TLN2: variants seen among roughly 807,000 people sequenced by gnomAD.
TLN2 encodes talin-2.
Under a neutral mutation model 294.7 loss-of-function variants are expected in TLN2, and 118 were observed. The observed-to-expected ratio is 0.40, with a 90% CI of 0.34 to 0.47. The LOEUF (loss-of-function observed/expected upper bound fraction) is 0.47, where lower values mean the gene tolerates loss of function less well. Among genes scored for constraint, TLN2 ranks in the 20% least tolerant of loss-of-function variants. The pLI is 0.84. For missense variants in TLN2, 3,083 were observed against 3,282.2 expected, an observed-to-expected ratio of 0.94 and a Z score of 1.48; for synonymous variants, 1,431 against 1,304.5, an observed-to-expected ratio of 1.10 and a Z score of -2.09.
rs142563739 is a variant in TLN2 at position 62,458,995 on chromosome 15, A to G, written c.-238+68310A>G. Among the ~76,000 whole-genome samples the G allele has an allele frequency of 2.3e-3, 339 of 149,308 alleles. 2 individuals carry two copies. Among genetic ancestry groups the G allele is most frequent in the African/African-American group, 8.1e-3 (328 of 40,472 alleles). ...ACTAGCTCTATGTGGAAAGCAGTAG[A>G]CTCTATTTTTTTTTTCTTTTTTTGG... is the stretch of plus-strand genomic sequence containing the variant. On this transcript the variant is annotated intron_variant, in intron 1 of 58. Coordinates refer to ENST00000636159, the MANE Select transcript of TLN2 (RefSeq NM_015059.3).
At chr15:62,579,767 C>T (rs2044756298) in intron 1 of TLN2, among the ~76,000 whole-genome samples, 2 of 152,186 alleles carry the variant, frequency 1.3e-5, no homozygotes, top group Admixed American at 1.3e-4. Flanking sequence ...GAGGAAGTCA[C>T]ATTCTCTCTC....
intron 1 of TLN2, among the ~76,000 whole-genome samples, chr15:62,419,297 G>A (rs1169225471): frequency 2.0e-5 from 3 of 152,202 alleles, no homozygotes; most frequent in Non-Finnish European, 4.4e-5. Context: ...CGTGGCTACT[G>A]GAAAATTTAA....
intron 2 of TLN2, among the ~76,000 whole-genome samples, chr15:62,597,820 G>T (rs2046658027): frequency 1.3e-5 from 2 of 152,208 alleles, no homozygotes; most frequent in South Asian, 4.1e-4. Context: ...CACATAGTCT[G>T]AAGGTAATTT....
intron 1 of TLN2, among the ~76,000 whole-genome samples, chr15:62,421,911 T>C (rs2034423917): frequency 6.6e-6 from 1 of 152,050 alleles, no homozygotes; most frequent in African/African-American, 2.4e-5. Flanking sequence ...AGGGTAGCGT[T>C]AGGAGGAATT....
At position 62,697,793 on chromosome 15, in the gene TLN2, C is replaced by T. The variant is rs749178748; in HGVS notation, c.1398C>T (p.Phe466=). The T allele has an allele frequency of 2.5e-6, 4 of 1,612,660 alleles. No individual in the cohort carries two copies. The East Asian group carries it at 8.9e-5, about 36-fold the overall frequency. Residue 466 remains phenylalanine (F), a synonymous_variant, in exon 15 of 59, where the codon TTC becomes TTT. Coordinates refer to ENST00000636159, the MANE Select transcript of TLN2 (RefSeq NM_015059.3). ...CGGGCTCCAGCGGGCCTGAGACCTTCAACGTTGGCAGCATGCCCTCGCCAC... is the reference window on the plus strand; with the variant it reads ...CGGGCTCCAGCGGGCCTGAGACCTTTAACGTTGGCAGCATGCCCTCGCCAC... The part of the protein sequence containing the change: ...MRSGSSGPET[F]NVGSMPSPQQ...
intron 32 of TLN2, among the ~76,000 whole-genome samples, chr15:62,744,710 C>T (rs1384943730): frequency 1.3e-5 from 2 of 152,054 alleles, no homozygotes; most frequent in Non-Finnish European, 2.9e-5. Context: ...CCATGCCCAG[C>T]TAATTTTTGT....
intron 1 of TLN2, among the ~76,000 whole-genome samples, chr15:62,580,445 C>T (rs1480535824): frequency 7.8e-6 from 1 of 128,878 alleles, no homozygotes; most frequent in African/African-American, 2.8e-5. Flanking sequence ...TTGTCTTGCT[C>T]TGTTGCTCAG....
chr15:62,622,875 A>T (rs2048952446), intron 3 of TLN2, among the ~76,000 whole-genome samples: 1 of 152,228 alleles, frequency 6.6e-6, no homozygotes, highest in Non-Finnish European at 1.5e-5. Flanking sequence ...CTGTATCTGT[A>T]ATAACACTCT....
intron 32 of TLN2, among the ~76,000 whole-genome samples, chr15:62,744,967 T>C (rs1007503534): frequency 3.9e-5 from 6 of 152,228 alleles, no homozygotes; most frequent in African/African-American, 1.2e-4. Flanking sequence ...GGCAGACAGA[T>C]GTCTGCTGCT....
intron 3 of TLN2, among the ~76,000 whole-genome samples, chr15:62,646,146 G>A (rs544780611): frequency 1.5e-4 from 22 of 146,556 alleles, no homozygotes; most frequent in Non-Finnish European, 2.8e-4. Context: ...GTCTCATCTC[G>A]TCTCATCTCT....
At chr15:62,507,880 C>G (rs2039709944) in intron 1 of TLN2, among the ~76,000 whole-genome samples, 1 of 152,164 alleles carries the variant, frequency 6.6e-6, no homozygotes, top group Non-Finnish European at 1.5e-5. Context: ...CATTCCGTAC[C>G]TGAGAACGAG....
intron 3 of TLN2, 108 bp from the exon 4 acceptor site, chr15:62,647,167 C>T: frequency 1.9e-6 from 2 of 1,079,178 alleles, no homozygotes; most frequent in Non-Finnish European, 2.6e-6. Flanking sequence ...GTTTTATTCT[C>T]TTTCCATGTT....
Position 62,829,011 on chromosome 15 carries a change from C to G in TLN2, c.7003-4493C>G, listed in dbSNP as rs536369951. On this transcript the variant is annotated intron_variant, in intron 54 of 58. Transcript: ENST00000636159. ...AAATACAGATTCCTGACTCCCACCCCAGACCTACCAAAACAGCATCTGCAT... is the reference window on the plus strand; with the variant it reads ...AAATACAGATTCCTGACTCCCACCCGAGACCTACCAAAACAGCATCTGCAT... 11 of 152,180 alleles carry G rather than the reference C, an allele frequency of 7.2e-5. No homozygotes were observed. The East Asian group carries it at 2.1e-3, about 29-fold the overall frequency. 9.4% of individuals were successfully genotyped at this position (152,180 alleles called of 1,614,324 possible).
chr15:62,726,443 G>A (rs2060445621), intron 27 of TLN2, among the ~76,000 whole-genome samples: 1 of 152,058 alleles, frequency 6.6e-6, no homozygotes, highest in African/African-American at 2.4e-5. Context: ...GGCCTTTACT[G>A]ACTTCGTTCC....
intron 1 of TLN2, among the ~76,000 whole-genome samples, chr15:62,409,826 G>A (rs1482363543): frequency 6.6e-6 from 1 of 152,184 alleles, no homozygotes; most frequent in Non-Finnish European, 1.5e-5. Context: ...CAGTGTAATA[G>A]ATCTTGGTAT....
At chr15:62,482,641 TC>T (rs913878370) in intron 1 of TLN2, among the ~76,000 whole-genome samples, 34 of 146,580 alleles carry the variant, frequency 2.3e-4, no homozygotes, top group African/African-American at 8.0e-4. Context: ...AATTTACATC[TC>T]CAACCATGAG....
Position 62,717,669 on chromosome 15 carries a change from C to T in TLN2, c.2857C>T (p.Gln953Ter). The T allele has an allele frequency of 6.3e-7, 1 of 1,596,038 alleles. No homozygotes were observed. Among genetic ancestry groups the T allele is most frequent in the Non-Finnish European group, 8.5e-7 (1 of 1,172,340 alleles). ...CAACAAGAACCCTGCGGCCCAGCAG[C>T]AGCTGGTCCAGAGTTGCAAGGTGAG... Reference protein sequence around the residue: ...VSNKNPAAQQQLVQSCKAVAD... With the variant: ...VSNKNPAAQQ Residue 953 changes from glutamine to a stop codon, truncating the protein, a stop_gained, in exon 24 of 59, where the codon CAG (glutamine) becomes TAG (stop). Coordinates refer to ENST00000636159, the MANE Select transcript of TLN2 (RefSeq NM_015059.3). LOFTEE classifies it high-confidence loss of function.
intron 3 of TLN2, among the ~76,000 whole-genome samples, chr15:62,629,867 T>C (rs776626942): frequency 3.3e-5 from 5 of 152,204 alleles, no homozygotes; most frequent in Non-Finnish European, 7.3e-5. Flanking sequence ...AGAGTCCTAA[T>C]ACATTGAAGC....
chr15:62,662,472 A>G (rs1429650752), intron 9 of TLN2, among the ~76,000 whole-genome samples: 2 of 152,230 alleles, frequency 1.3e-5, no homozygotes, highest in African/African-American at 4.8e-5. Context: ...TTGAATATAG[A>G]TGTCTTCCTC....
Sources: allele counts gnomAD v4.1 joint callset (sites outside exome capture counted in the v4.1 genomes callset), GRCh38; gene constraint gnomAD v4.1.1; transcripts MANE v1.5; gene names NCBI Gene and HGNC (gene_info 2026-07-23, HGNC 2026-07-21).